Variants in ADGRL2 observed in about 807,000 individuals in gnomAD.
The protein encoded by ADGRL2 is adhesion G protein-coupled receptor L2, also known as calcium-independent alpha-latrotoxin receptor 2.
Under a neutral mutation model 157.4 loss-of-function variants are expected in ADGRL2, and 44 were observed. The observed-to-expected ratio is 0.28, with a 90% CI of 0.22 to 0.36. The LOEUF is 0.36. ADGRL2 is among the 10% of genes least tolerant of loss of function. ADGRL2 has a pLI of 1.00. For missense variants in ADGRL2, 1,510 were observed against 1,768.9 expected, an observed-to-expected ratio of 0.85 and a Z score of 2.63; for synonymous variants, 585 against 624.7, an observed-to-expected ratio of 0.94 and a Z score of 0.95.
chr1:81,987,242 T>C (rs555146057), intron 22 of ADGRL2: 3 of 1,490,408 alleles, frequency 2.0e-6, no homozygotes, highest in East Asian at 2.3e-5. Flanking sequence ...ACAATAATGA[T>C]CCATGTTTTT....
chr1:81,724,784 C>T (rs1262130482), intron 1 of ADGRL2, among the ~76,000 whole-genome samples: 1 of 152,204 alleles, frequency 6.6e-6, no homozygotes, highest in African/African-American at 2.4e-5. Flanking sequence ...TAAAACAGCA[C>T]ATTTCTGGAA....
chr1:81,439,227 T>C (rs1465126839), intron 1 of ADGRL2, among the ~76,000 whole-genome samples: 2 of 152,176 alleles, frequency 1.3e-5, no homozygotes, highest in African/African-American at 4.8e-5. Context: ...CTTTCATCTG[T>C]AGGGTTTCTA....
intron 2 of ADGRL2, among the ~76,000 whole-genome samples, chr1:81,777,117 A>G (rs2086618516): frequency 6.6e-6 from 1 of 152,178 alleles, no homozygotes; most frequent in Non-Finnish European, 1.5e-5. Flanking sequence ...GCTGACTCCT[A>G]GGAGTTCTAT....
chr1:81,766,847 G>GAAAAAAAAAAA (rs66946051), intron 2 of ADGRL2, among the ~76,000 whole-genome samples: 7 of 117,796 alleles, frequency 5.9e-5, no homozygotes, highest in Non-Finnish European at 8.9e-5. Context: ...AAAAAAAAAG[G>GAAAAAAAAAAA]AAAAAAAAAA....
At chr1:81,342,109 A>G (rs1212522326) in intron 1 of ADGRL2, among the ~76,000 whole-genome samples, 5 of 152,136 alleles carry the variant, frequency 3.3e-5, no homozygotes, top group African/African-American at 1.2e-4. Context: ...GGATCCTGCT[A>G]TAGGGCTAGA....
At chr1:81,944,851 T>C (rs532122367) in intron 6 of ADGRL2, among the ~76,000 whole-genome samples, 1 of 152,178 alleles carries the variant, frequency 6.6e-6, no homozygotes, top group African/African-American at 2.4e-5. Flanking sequence ...TTTTAAGATA[T>C]GCTGTTAATC....
At chr1:81,469,826 A>G (rs2078133515) in intron 2 of ADGRL2, among the ~76,000 whole-genome samples, 1 of 152,170 alleles carries the variant, frequency 6.6e-6, no homozygotes, top group Non-Finnish European at 1.5e-5. Flanking sequence ...CTTGCTCATT[A>G]TGAACACCTC....
intron 2 of ADGRL2, among the ~76,000 whole-genome samples, chr1:81,513,570 T>G (rs1041945313): frequency 3.3e-5 from 5 of 152,144 alleles, no homozygotes; most frequent in African/African-American, 4.8e-5. Flanking sequence ...GGAAATGTGT[T>G]TCAGAAGATA....
At chr1:81,734,890 A>C (rs993993550) in intron 1 of ADGRL2, among the ~76,000 whole-genome samples, 3 of 144,770 alleles carry the variant, frequency 2.1e-5, no homozygotes, top group South Asian at 2.3e-4. Context: ...AAAATTAGCC[A>C]GGCATGGTGG....
intron 1 of ADGRL2, among the ~76,000 whole-genome samples, chr1:81,706,131 A>G (rs1274532899): frequency 6.6e-6 from 1 of 152,084 alleles, no homozygotes; most frequent in Non-Finnish European, 1.5e-5. Flanking sequence ...CCAGGGAGGT[A>G]GAGATTGCAG....
intron 3 of ADGRL2, among the ~76,000 whole-genome samples, chr1:81,624,970 C>A (rs980781684): frequency 5.3e-5 from 8 of 152,218 alleles, no homozygotes; most frequent in Non-Finnish European, 8.8e-5. Context: ...GAGCAAAGTA[C>A]AGAGTCTCTT....
Position 81,901,661 on chromosome 1 carries a change from G to GT in ADGRL2, c.74-5352dup, listed in dbSNP as rs553109771. ...GATACAAATAAAGGAATAAATAAAT[G>GT]TTTTCAGGAATGGGTTTTTATGTCT... On this transcript the variant is annotated intron_variant, in intron 2 of 23. Coordinates refer to ENST00000686636, the MANE Select transcript of ADGRL2 (RefSeq NM_001366006.2). Among the ~76,000 whole-genome samples, 27 of 151,818 alleles carry GT rather than the reference G, an allele frequency of 1.8e-4. No individual in the cohort carries two copies. The South Asian group carries it at 5.4e-3, about 30-fold the overall frequency.
intron 2 of ADGRL2, among the ~76,000 whole-genome samples, chr1:81,463,072 A>C (rs1571038238): frequency 6.9e-6 from 1 of 145,950 alleles, no homozygotes; most frequent in East Asian, 2.0e-4. Flanking sequence ...CTGTGATTGC[A>C]CCACTGCATT....
chr1:81,575,663 T>A (rs752171885), intron 2 of ADGRL2, among the ~76,000 whole-genome samples: 1 of 152,158 alleles, frequency 6.6e-6, no homozygotes, highest in Admixed American at 6.6e-5. Flanking sequence ...ATACAGATTT[T>A]TTTTGTTTCT....
chr1:81,771,796 A>G lies in ADGRL2; in HGVS notation c.-101+9944A>G, dbSNP rs181996979. 1.8e-3 allele frequency among the ~76,000 whole-genome samples: 278 copies of G among 152,184 alleles called. 2 individuals are homozygous for G. The highest frequency in any genetic ancestry group is 2.2e-3 in the Non-Finnish European group (150 of 67,998). On this transcript the variant is annotated intron_variant, in intron 2 of 20. Transcript: ENST00000359929. ...CAGTTAGAAATCACAAACACACTGGAAAAAAAAGGGAGGGTAAGTGAGCAA... is the reference window on the plus strand; with the variant it reads ...CAGTTAGAAATCACAAACACACTGGGAAAAAAAGGGAGGGTAAGTGAGCAA...
Position 81,966,411 on chromosome 1 carries a change from A to C in ADGRL2, c.2151A>C (p.Ala717=), listed in dbSNP as rs1313310947. The C allele has an allele frequency of 6.2e-7, 1 of 1,613,924 alleles. No homozygotes were observed. The highest frequency in any genetic ancestry group is 1.3e-5 in the African/African-American group (1 of 74,908). Residue 717 remains alanine, a synonymous_variant, in exon 13 of 24, where the codon GCA becomes GCC. Coordinates refer to ENST00000686636, the MANE Select transcript of ADGRL2 (RefSeq NM_001366006.2). ...CTATTTTTACCTTCCTAGGGCTTGC[A>C]AAGTTGGTGTTCATCATTTACCGGA... The part of the protein sequence containing the change: ...TVKQNSRNGL[A]KLVFIIYRSL...
intron 2 of ADGRL2, among the ~76,000 whole-genome samples, chr1:81,848,801 AACCATTAACTGTC>A (rs1252081298): frequency 2.6e-5 from 4 of 151,988 alleles, no homozygotes; most frequent in Non-Finnish European, 5.9e-5. Flanking sequence ...TATTGCTGAG[AACCATTAACTGTC>A]AGAACACCGA....
intron 2 of ADGRL2, among the ~76,000 whole-genome samples, chr1:81,842,375 T>TTTTA (rs1380656471): frequency 7.2e-6 from 1 of 139,332 alleles, no homozygotes; most frequent in African/African-American, 2.9e-5. Flanking sequence ...TTTTTTTTTT[T>TTTTA]AAGATGGAGT....
chr1:81,699,974 G>T (rs1449608079), intron 1 of ADGRL2, among the ~76,000 whole-genome samples: 2 of 147,602 alleles, frequency 1.4e-5, no homozygotes, highest in African/African-American at 5.4e-5. Context: ...GCTCTAAAAA[G>T]AGATAGCCAG....
Sources: allele counts gnomAD v4.1 joint callset (sites outside exome capture counted in the v4.1 genomes callset), GRCh38; gene constraint gnomAD v4.1.1; transcripts MANE v1.5; gene names NCBI Gene and HGNC (gene_info 2026-07-23, HGNC 2026-07-21).